STN1: variants seen among roughly 807,000 people sequenced by gnomAD.
STN1 encodes the protein STN1 subunit of CST complex.
A neutral mutation model predicts 45.5 loss-of-function variants in STN1; 29 were observed. That is an observed-to-expected ratio of 0.64 (90% CI 0.47 to 0.87). STN1 has a LOEUF of 0.87. STN1 is among the 40% of genes least tolerant of loss of function. STN1 has a pLI of 0.00. For missense variants in STN1, 376 were observed against 441.4 expected (o/e 0.85, Z 1.33); for synonymous variants, 148 against 159.0 (o/e 0.93, Z 0.52).
chr10:103,909,151 A>T lies in STN1; in HGVS notation c.229+1376T>A, dbSNP rs139710163. Among the ~76,000 whole-genome samples, 950 of 151,772 alleles carry T rather than the reference A, an allele frequency of 6.3e-3. 7 individuals are homozygous for T. The highest frequency in any genetic ancestry group is 0.018 in the African/African-American group (758 of 41,352). ...ATAAAAGTGCTTTACAAACTGAAAG[A>T]CGCTATTATTTCGTTGTTGGCATTT... On this transcript the variant is annotated intron_variant, in intron 3 of 9. Transcript: ENST00000224950.
intron 3 of STN1, among the ~76,000 whole-genome samples, chr10:103,909,520 A>G (rs1461930479): frequency 2.8e-4 from 4 of 14,466 alleles, no homozygotes; most frequent in South Asian, 0.023. Flanking sequence ...GTATATATGT[A>G]TATATATGTA....
At chr10:103,910,809 A>G (rs1387588656) in intron 2 of STN1, among the ~76,000 whole-genome samples, 187 bp from the exon 3 acceptor site, 1 of 152,230 alleles carries the variant, frequency 6.6e-6, no homozygotes, top group East Asian at 1.9e-4. Context: ...TTTTCCTCAC[A>G]GGTCCTAAGT....
intron 9 of STN1, among the ~76,000 whole-genome samples, chr10:103,884,871 T>C (rs1288853122): frequency 1.3e-5 from 2 of 152,210 alleles, no homozygotes; most frequent in Non-Finnish European, 2.9e-5. Flanking sequence ...CTCTAGTGGC[T>C]GTGTCCACTC....
intron 9 of STN1, among the ~76,000 whole-genome samples, chr10:103,884,210 C>T (rs1321268633): frequency 6.6e-6 from 1 of 150,948 alleles, no homozygotes; most frequent in East Asian, 2.0e-4. Flanking sequence ...CCCAAATCAA[C>T]TCTCTGCTTG....
intron 4 of STN1, among the ~76,000 whole-genome samples, chr10:103,900,437 AAC>A (rs976552066): frequency 2.0e-5 from 3 of 152,182 alleles, no homozygotes; most frequent in African/African-American, 7.2e-5. Flanking sequence ...GGGTGAAAGG[AAC>A]GGAGTCTAGA....
At chr10:103,892,367 G>A in intron 7 of STN1, 115 bp from the exon 8 acceptor site, 2 of 882,546 alleles carry the variant, frequency 2.3e-6, no homozygotes, top group Non-Finnish European at 3.3e-6. Flanking sequence ...TTTAACTGCT[G>A]AGTCAAAAAG....
At chr10:103,911,609 C>T (rs775391360) in intron 2 of STN1, among the ~76,000 whole-genome samples, 92 of 152,138 alleles carry the variant, frequency 6.0e-4, no homozygotes, top group Non-Finnish European at 4.7e-4. Context: ...CTTGAACTCC[C>T]GGCCTCAAGC....
rs369997228 is a variant in STN1 at position 103,892,646 on chromosome 10, CT to C, written c.754-395del. On this transcript the variant is annotated intron_variant, in intron 7 of 9. Coordinates refer to ENST00000224950, the MANE Select transcript of STN1 (RefSeq NM_024928.5). The stretch of plus-strand genomic sequence containing the variant: ...GCTGTATACAATCTCTTCCTAGGGA[CT>C]TCAAAGATTTTTTGTATGTTGGAAT... Among the ~76,000 whole-genome samples the C allele has an allele frequency of 7.0e-3, 1,063 of 152,246 alleles. 25 individuals carry two copies. The highest frequency in any genetic ancestry group is 0.066 in the South Asian group (319 of 4,814).
chr10:103,905,565 G>T (rs3818278), intron 3 of STN1, among the ~76,000 whole-genome samples: 31,921 of 152,104 alleles, frequency 0.21, 3,487 homozygotes, highest in Admixed American at 0.23. Context: ...AGAGAGCATC[G>T]TGTGGAGTGT....
At chr10:103,913,781 G>A (rs542910418) in intron 2 of STN1, among the ~76,000 whole-genome samples, 2 of 152,134 alleles carry the variant, frequency 1.3e-5, no homozygotes, top group Non-Finnish European at 2.9e-5. Flanking sequence ...AAAAGAAAAT[G>A]GTAACAAATA....
rs775340993 is a variant in STN1 at position 103,882,809 on chromosome 10, A to G, written c.982T>C (p.Leu328=). The part of the protein sequence containing the change: ...MEKGCHFLHI[L]ACARLSIRPG... ...CGGATGCTCAGGCGAGCACAGGCCA[A>G]GATGTGCAGGAAGTGACAGCCCTTC... Residue 328 remains leucine (L), a synonymous_variant, in exon 10 of 10, where the codon TTG becomes CTG. Coordinates refer to ENST00000224950, the MANE Select transcript of STN1 (RefSeq NM_024928.5). 1.8e-5 allele frequency: 29 copies of G among 1,613,748 alleles called. No individual in the cohort carries two copies. The highest frequency in any genetic ancestry group is 2.5e-5 in the Non-Finnish European group (29 of 1,179,884).
chr10:103,892,062 T>G, intron 8 of STN1, 68 bp downstream of exon 8: 1 of 1,275,742 alleles, frequency 7.8e-7, no homozygotes, highest in Non-Finnish European at 1.1e-6. Context: ...TAAGTGGTTA[T>G]TCATAAGTAA....
chr10:103,878,339 T>C lies in STN1; in HGVS notation c.*4345A>G, dbSNP rs1843044243. ...CAGTACATGAGCAGTGACCCAGCTG[T>C]GGTTAGCTCCAGAGAGTTTTCTAAG... On this transcript the variant is annotated 3_prime_UTR_variant, in exon 10 of 10. Coordinates refer to ENST00000224950, the MANE Select transcript of STN1 (RefSeq NM_024928.5). 1.3e-5 allele frequency: 2 copies of C among 152,196 alleles called. No homozygotes were observed. The highest frequency in any genetic ancestry group is 4.8e-5 in the African/African-American group (2 of 41,444). The allele number at this position is 152,196 out of a possible 1,614,324, so 9.4% of individuals were successfully genotyped here.
In STN1 at chr10:103,880,946, T is replaced by A. The variant is rs1291801697; in HGVS notation, c.*1738A>T. On this transcript the variant is annotated 3_prime_UTR_variant, in exon 10 of 10. Transcript: ENST00000224950. ...AAGACCTCCATGCAGAAATATACAC[T>A]CTCTCTACGGATATATACATACACA... is the stretch of plus-strand genomic sequence containing the variant. Among the ~76,000 whole-genome samples, 1 of 152,160 alleles carries A rather than the reference T, an allele frequency of 6.6e-6. No homozygotes were observed. The highest frequency in any genetic ancestry group is 2.4e-5 in the African/African-American group (1 of 41,432).
intron 2 of STN1, among the ~76,000 whole-genome samples, chr10:103,912,400 C>T (rs1843297855): frequency 6.6e-6 from 1 of 152,190 alleles, no homozygotes; most frequent in African/African-American, 2.4e-5. Flanking sequence ...GAAACTTAGT[C>T]TTTTCCATAA....
chr10:103,914,335 CATATATATATATATATAT>C (rs1239270984), intron 2 of STN1, among the ~76,000 whole-genome samples: 6 of 35,568 alleles, frequency 1.7e-4, no homozygotes, highest in South Asian at 3.5e-3. Context: ...ATTAAAAATA[CATATATATATATATATAT>C]ATATATATAT....
At chr10:103,883,804 T>C (rs1208853709) in intron 9 of STN1, among the ~76,000 whole-genome samples, 1 of 152,120 alleles carries the variant, frequency 6.6e-6, no homozygotes, top group Non-Finnish European at 1.5e-5. Context: ...AAAATCCACT[T>C]ATGGGCTAGG....
chr10:103,899,903 G>A (rs1843195578), intron 5 of STN1, 159 bp downstream of exon 5: 1 of 569,714 alleles, frequency 1.8e-6, no homozygotes, highest in African/African-American at 1.9e-5. Flanking sequence ...AAGAAATGCT[G>A]ATTTTCTAAA....
Position 103,882,615 on chromosome 10 carries a change from T to C in STN1, c.*69A>G. ...AGACAGATAAGCCCCTGCATGATGC[T>C]GAAAGTCAGAGCCTGGGGGTGAATG... On this transcript the variant is annotated 3_prime_UTR_variant, in exon 10 of 10. Coordinates refer to ENST00000224950, the MANE Select transcript of STN1 (RefSeq NM_024928.5). The C allele has an allele frequency of 6.7e-7, 1 of 1,501,478 alleles. No homozygotes were observed. Among genetic ancestry groups the C allele is most frequent in the Non-Finnish European group, 9.0e-7 (1 of 1,111,946 alleles). 93.0% of individuals were successfully genotyped at this position (1,501,478 alleles called of 1,614,324 possible).
Sources: gnomAD v4.1 joint callset for allele counts (sites outside exome capture counted in the v4.1 genomes callset) on GRCh38, gnomAD v4.1.1 for gene constraint, MANE v1.5 for transcripts, NCBI Gene and HGNC (gene_info 2026-07-23, HGNC 2026-07-21) for gene names.